The following PDE8B variants were observed in gnomAD, a reference collection of about 807,000 sequenced individuals.
PDE8B encodes high affinity cAMP-specific and IBMX-insensitive 3',5'-cyclic phosphodiesterase 8B.
In PDE8B, 26 loss-of-function variants were observed where a neutral mutation model predicts 101.3. The ratio of observed to expected loss-of-function variants is 0.26; its 90% CI spans 0.19 to 0.36. The LOEUF is 0.36. Ranked by LOEUF, PDE8B falls within the 10% of genes least tolerant of loss-of-function variation. The pLI is 1.00. For synonymous variants in PDE8B, 424 were observed against 429.3 expected (o/e 0.99, Z 0.15); for missense variants, 810 against 1,163.1 (o/e 0.70, Z 4.42).
intron 10 of PDE8B, among the ~76,000 whole-genome samples, chr5:77,385,294 G>C (rs1040858922): frequency 6.6e-6 from 1 of 152,210 alleles, no homozygotes; most frequent in Admixed American, 6.5e-5. Context: ...ATGGTAGTTT[G>C]TATTTCTGTG....
rs529419344 is a variant in PDE8B, at chr5:77,245,631, T to C, written c.339+34367T>C. Among the ~76,000 whole-genome samples, 46 of 152,288 alleles carry C rather than the reference T, an allele frequency of 3.0e-4. No homozygotes were observed. In the South Asian group the frequency reaches 8.5e-3, roughly 28 times the overall value. ...TTTCATGGAGCAGCTTGTGTGTGTG[T>C]GCACATGTGTGCATGTTCACTAAGG... On this transcript the variant is annotated intron_variant, in intron 1 of 21. Coordinates refer to ENST00000264917, the MANE Select transcript of PDE8B (RefSeq NM_003719.5).
intron 11 of PDE8B, among the ~76,000 whole-genome samples, chr5:77,403,992 G>GT (rs1792863291): frequency 6.7e-6 from 1 of 148,796 alleles, no homozygotes; most frequent in Non-Finnish European, 1.5e-5. Context: ...CTAATTTTTT[G>GT]TTGGTTTTTT....
chr5:77,091,584 C>T, the PDE8B span, among the ~76,000 whole-genome samples: 4 of 151,950 alleles, frequency 2.6e-5, no homozygotes, highest in Admixed American at 6.5e-5. Flanking sequence ...GAGGTTGCAG[C>T]GAGCCGAGAT....
intron 1 of PDE8B, among the ~76,000 whole-genome samples, chr5:77,286,051 A>T (rs1451613743): frequency 6.6e-6 from 1 of 152,094 alleles, no homozygotes; most frequent in Non-Finnish European, 1.5e-5. Flanking sequence ...GGGAATTCCA[A>T]CATCTGGGTC....
chr5:77,291,683 G>A, intron 1 of PDE8B: 13 of 1,595,710 alleles, frequency 8.1e-6, no homozygotes, highest in East Asian at 2.2e-5. Flanking sequence ...GAGGAGAAAA[G>A]CACACTGGTG....
At chr5:77,225,523 T>A (rs984242866) in intron 1 of PDE8B, among the ~76,000 whole-genome samples, 3 of 152,194 alleles carry the variant, frequency 2.0e-5, no homozygotes, top group African/African-American at 7.2e-5. Flanking sequence ...TCCCTGTCTC[T>A]GATCTAGAAT....
Position 77,425,829 on chromosome 5 carries a change from T to C in PDE8B, c.2481T>C (p.Cys827=). The C allele has an allele frequency of 6.2e-7, 1 of 1,612,292 alleles. No homozygotes were observed. The highest frequency in any genetic ancestry group is 8.5e-7 in the Non-Finnish European group (1 of 1,178,300). Reference sequence around the variant, plus strand: ...TGCCAGTGTTTGACCGGAATACCTGTAGCATCCCCAAGTCTCAGATCTCTT... The same window carrying C: ...TGCCAGTGTTTGACCGGAATACCTGCAGCATCCCCAAGTCTCAGATCTCTT... The part of the protein sequence containing the change: ...VVMPVFDRNT[C]SIPKSQISFI... Residue 827 remains cysteine, a synonymous_variant, in exon 21 of 22, where the codon TGT becomes TGC. Transcript: ENST00000264917.
rs770593829 is a variant in PDE8B at position 77,211,187 on chromosome 5, A to G, written c.262A>G (p.Thr88Ala). 1 of 1,552,170 alleles carries G rather than the reference A, an allele frequency of 6.4e-7. No individual in the cohort carries two copies. Among genetic ancestry groups the G allele is most frequent in the African/African-American group, 1.4e-5 (1 of 73,152 alleles). Residue 88 changes from threonine (T) to alanine (A), a missense_variant, in exon 1 of 22, where the codon ACC becomes GCC. By Grantham distance (58) the Thr-to-Ala change is moderately conservative. Transcript: ENST00000264917. The surrounding 1 kb of genome is among the most constrained non-coding windows in gnomAD (Gnocchi z 4.1). ...CGCGGGTTCCGCAGCCCCCGCCGCG[A>G]CCACCAGCAGGGGCCGGAGGCGCCA... ...SSAGSAAPAA[T>A]TSRGRRRHCC...
At chr5:77,249,864 C>T (rs1430165064) in intron 1 of PDE8B, among the ~76,000 whole-genome samples, 2 of 152,180 alleles carry the variant, frequency 1.3e-5, no homozygotes, top group Non-Finnish European at 2.9e-5. Flanking sequence ...GAAGTGTGTG[C>T]ATTTGATCTC....
chr5:77,412,282 C>T (rs758924800), intron 16 of PDE8B, 47 bp downstream of exon 16: 1 of 1,600,494 alleles, frequency 6.2e-7, no homozygotes. Flanking sequence ...GATGGCCATG[C>T]TCAAACTCTC....
chr5:77,402,896 C>T (rs1792593743), intron 11 of PDE8B, among the ~76,000 whole-genome samples: 2 of 152,336 alleles, frequency 1.3e-5, no homozygotes, highest in Admixed American at 6.5e-5. Context: ...AGGCTTCTTG[C>T]ACCTGCTGTC....
the PDE8B span, among the ~76,000 whole-genome samples, chr5:77,195,303 C>CT: frequency 4.6e-5 from 7 of 152,212 alleles, no homozygotes; most frequent in Admixed American, 3.3e-4. Flanking sequence ...CAAATACCTG[C>CT]CATTAGGCCC....
chr5:77,385,582 T>C lies in PDE8B; in HGVS notation c.1168-14666T>C, dbSNP rs370309531. On this transcript the variant is annotated intron_variant, in intron 10 of 21. Coordinates refer to ENST00000264917, the MANE Select transcript of PDE8B (RefSeq NM_003719.5). ...GTGATGTTAGGGTGTCTATTTTAGA[T>C]CTTTCCTACTTTCTCTTGTGGGCAT... Among the ~76,000 whole-genome samples the C allele has an allele frequency of 5.4e-4, 82 of 152,268 alleles. No homozygotes were observed. The East Asian group carries it at 5.4e-3, about 10-fold the overall frequency.
At chr5:77,332,877 G>C (rs919401346) in intron 5 of PDE8B, among the ~76,000 whole-genome samples, 4 of 151,706 alleles carry the variant, frequency 2.6e-5, no homozygotes, top group Admixed American at 6.6e-5. Context: ...TCCCAAGTAG[G>C]TGGAGTGATG....
At chr5:77,376,887 A>G (rs1354207320) in intron 10 of PDE8B, among the ~76,000 whole-genome samples, 1 of 152,140 alleles carries the variant, frequency 6.6e-6, no homozygotes, top group Non-Finnish European at 1.5e-5. Flanking sequence ...GTGCTAGTGT[A>G]ACAGGGGTGG....
rs565863587 is a variant in PDE8B at position 77,378,373 on chromosome 5, C to T, written c.1168-21875C>T. Among the ~76,000 whole-genome samples, 12 of 142,802 alleles carry T rather than the reference C, an allele frequency of 8.4e-5. No homozygotes were observed. In the East Asian group the frequency reaches 1.3e-3, roughly 16 times the overall value. 93.7% of individuals were successfully genotyped at this position (142,802 alleles called of 152,430 possible). A position where few individuals can be genotyped will look rare whatever the true frequency, so the allele number is the denominator to read the frequency against. ...ACTCGGGAGGCTGAGGCAGGAGAATCGCTTGAACCCAGGAGGCAGAGGTTG... is the reference window on the plus strand; with the variant it reads ...ACTCGGGAGGCTGAGGCAGGAGAATTGCTTGAACCCAGGAGGCAGAGGTTG... On this transcript the variant is annotated intron_variant, in intron 10 of 21. Transcript: ENST00000264917.
intron 6 of PDE8B, among the ~76,000 whole-genome samples, chr5:77,342,729 A>G (rs1481538043): frequency 6.6e-6 from 1 of 152,162 alleles, no homozygotes; most frequent in African/African-American, 2.4e-5. Flanking sequence ...AAACAAAATG[A>G]GAGTTTGATT....
At chr5:77,150,278 A>G in the PDE8B span, among the ~76,000 whole-genome samples, 79,561 of 152,018 alleles carry the variant, frequency 0.52, 22,624 homozygotes, top group East Asian at 0.88. Flanking sequence ...ACAGGATTTC[A>G]TGGATTAATG....
the PDE8B span, among the ~76,000 whole-genome samples, chr5:77,195,367 G>GGATGCGT: frequency 6.6e-6 from 1 of 152,206 alleles, no homozygotes; most frequent in Admixed American, 6.5e-5. Flanking sequence ...AATTTTGGGG[G>GGATGCGT]GATGCGTTCA....
Sources: gnomAD v4.1 joint callset for allele counts (sites outside exome capture counted in the v4.1 genomes callset) on GRCh38, gnomAD v4.1.1 for gene constraint, Gnocchi (gnomAD v3.1) non-coding constraint, MANE v1.5 for transcripts, NCBI Gene and HGNC (gene_info 2026-07-23, HGNC 2026-07-21) for gene names.